Variants in RPH3A observed in about 807,000 individuals in gnomAD.
The protein encoded by RPH3A is rabphilin-3A.
A neutral mutation model predicts 102.2 loss-of-function variants in RPH3A; 48 were observed. That is an observed-to-expected ratio of 0.47 (90% CI 0.37 to 0.60). The LOEUF (loss-of-function observed/expected upper bound fraction) is 0.60, where lower values mean the gene tolerates loss of function less well. Ranked by LOEUF, RPH3A falls within the 20% of genes least tolerant of loss-of-function variation. The pLI is 0.00. For synonymous variants in RPH3A, 310 were observed against 324.3 expected, an observed-to-expected ratio of 0.96 and a Z score of 0.47; for missense variants, 781 against 910.1, an observed-to-expected ratio of 0.86 and a Z score of 1.83.
intron 6 of RPH3A, 110 bp downstream of exon 6, chr12:112,865,653 A>C (rs1399964579): frequency 1.9e-5 from 23 of 1,197,546 alleles, no homozygotes; most frequent in Non-Finnish European, 2.2e-5. Context: ...TTGGATCCTG[A>C]AGATCACTTG....
At chr12:112,760,105 T>C (rs2040845914) in intron 1 of RPH3A, among the ~76,000 whole-genome samples, 1 of 152,162 alleles carries the variant, frequency 6.6e-6, no homozygotes, top group Non-Finnish European at 1.5e-5. Flanking sequence ...TTTAATAAGA[T>C]AAAACACACA....
chr12:112,736,932 A>T (rs1408603503), intron 1 of RPH3A, among the ~76,000 whole-genome samples: 1 of 152,136 alleles, frequency 6.6e-6, no homozygotes, highest in Non-Finnish European at 1.5e-5. Context: ...AGATGGGAGG[A>T]TCACTTGAGC....
chr12:112,658,406 A>T (rs1566246013), intron 1 of RPH3A, among the ~76,000 whole-genome samples: 2 of 152,126 alleles, frequency 1.3e-5, no homozygotes. Context: ...TGAACTCCTG[A>T]CCTCAAGTGA....
intron 1 of RPH3A, among the ~76,000 whole-genome samples, chr12:112,655,940 G>T (rs2040008705): frequency 6.6e-6 from 1 of 152,056 alleles, no homozygotes; most frequent in Admixed American, 6.6e-5. Flanking sequence ...CTTTGTTCTT[G>T]TTCAAGATCA....
chr12:112,802,532 G>C (rs2041373281), intron 2 of RPH3A, among the ~76,000 whole-genome samples: 1 of 152,096 alleles, frequency 6.6e-6, no homozygotes, highest in South Asian at 2.1e-4. Context: ...TCTGCCTGCT[G>C]TGCTGTGTGT....
chr12:112,831,337 A>G (rs1471251991), intron 3 of RPH3A, among the ~76,000 whole-genome samples: 1 of 152,034 alleles, frequency 6.6e-6, no homozygotes, highest in Non-Finnish European at 1.5e-5. Context: ...GTTCATTCCT[A>G]TGATATCCAT....
chr12:112,727,452 GAC>G (rs2040600453), intron 1 of RPH3A, among the ~76,000 whole-genome samples: 11 of 51,732 alleles, frequency 2.1e-4, no homozygotes, highest in African/African-American at 3.8e-4. Flanking sequence ...TACACACACA[GAC>G]ACAGACACAC....
In RPH3A at chr12:112,798,830, C is replaced by T. The variant is rs571497128; in HGVS notation, c.-19+6567C>T. Reference sequence around the variant, plus strand: ...TTCTCCTTGCAGTCTCTCTTTTCTCCCCATCTTTCCCTCTCTCCCTTTCTC... The same window carrying T: ...TTCTCCTTGCAGTCTCTCTTTTCTCTCCATCTTTCCCTCTCTCCCTTTCTC... On this transcript the variant is annotated intron_variant, in intron 2 of 21. Coordinates refer to ENST00000389385, the MANE Select transcript of RPH3A (RefSeq NM_001143854.2). 1.3e-5 allele frequency among the ~76,000 whole-genome samples: 2 copies of T among 152,054 alleles called. 1 individual carries two copies. Among genetic ancestry groups the T allele is most frequent in the South Asian group, 4.2e-4 (2 of 4,796 alleles).
chr12:112,734,136 A>T (rs913260945), intron 1 of RPH3A, among the ~76,000 whole-genome samples: 2 of 152,218 alleles, frequency 1.3e-5, no homozygotes, highest in African/African-American at 2.4e-5. Flanking sequence ...GATGGACCTC[A>T]TATATGATGG....
chr12:112,679,355 A>G (rs1190790388), intron 1 of RPH3A, among the ~76,000 whole-genome samples: 1 of 151,992 alleles, frequency 6.6e-6, no homozygotes, highest in African/African-American at 2.4e-5. Flanking sequence ...GGGTTTCACC[A>G]TGTTAGTCAG....
chr12:112,738,088 T>C (rs1462863315), intron 1 of RPH3A, among the ~76,000 whole-genome samples: 1 of 152,234 alleles, frequency 6.6e-6, no homozygotes, highest in African/African-American at 2.4e-5. Context: ...TTGGCATTGC[T>C]AGTCTCGTAG....
intron 2 of RPH3A, among the ~76,000 whole-genome samples, chr12:112,818,495 A>C (rs2136133800): frequency 6.6e-6 from 1 of 152,134 alleles, no homozygotes; most frequent in African/African-American, 2.4e-5. Context: ...TGTTGGCAAA[A>C]GTGATCAATA....
At chr12:112,832,083 T>C (rs2041979206) in intron 3 of RPH3A, among the ~76,000 whole-genome samples, 1 of 152,194 alleles carries the variant, frequency 6.6e-6, no homozygotes, top group African/African-American at 2.4e-5. Flanking sequence ...ATTAGATAAA[T>C]ATTAGACCTC....
At chr12:112,777,694 C>T (rs1273147324) in intron 1 of RPH3A, among the ~76,000 whole-genome samples, 1 of 152,192 alleles carries the variant, frequency 6.6e-6, no homozygotes, top group Non-Finnish European at 1.5e-5. Flanking sequence ...ATTAATGATG[C>T]TAGCAGCTGA....
At chr12:112,767,732 T>C (rs1334999000) in intron 1 of RPH3A, among the ~76,000 whole-genome samples, 2 of 152,176 alleles carry the variant, frequency 1.3e-5, no homozygotes, top group African/African-American at 2.4e-5. Context: ...AGTATCATCC[T>C]CACAGGACTT....
At chr12:112,823,858 C>T (rs1712119565) in intron 2 of RPH3A, among the ~76,000 whole-genome samples, 1 of 152,174 alleles carries the variant, frequency 6.6e-6, no homozygotes, top group Admixed American at 6.5e-5. Flanking sequence ...GAAGAGTTGG[C>T]TTTCATGAAG....
At chr12:112,814,143 G>C (rs932006738) in intron 2 of RPH3A, among the ~76,000 whole-genome samples, 36 of 151,816 alleles carry the variant, frequency 2.4e-4, no homozygotes, top group Non-Finnish European at 7.4e-5. Context: ...GTGTATGTGC[G>C]TGTGTTTGCA....
chr12:112,826,945 C>T (rs1201877409), intron 2 of RPH3A, among the ~76,000 whole-genome samples: 2 of 152,004 alleles, frequency 1.3e-5, no homozygotes, highest in Non-Finnish European at 2.9e-5. Flanking sequence ...GGGTGTATAC[C>T]TGAGCATATT....
chr12:112,890,832 CT>C lies in RPH3A; in HGVS notation c.1621-13del. ...CCCTCCCCTCCAAGGCCCACACTGC[CT>C]TTTCCCCCAATGCAGCAGGTGGAGC... On this transcript the variant is annotated splice_polypyrimidine_tract_variant and intron_variant, in intron 18 of 21. Transcript: ENST00000389385. 1.2e-6 allele frequency: 2 copies of C among 1,611,840 alleles called. No individual in the cohort carries two copies. Among genetic ancestry groups the C allele is most frequent in the Non-Finnish European group, 1.7e-6 (2 of 1,178,688 alleles).
Sources: allele counts gnomAD v4.1 joint callset (sites outside exome capture counted in the v4.1 genomes callset), GRCh38; gene constraint gnomAD v4.1.1; transcripts MANE v1.5; gene names NCBI Gene and HGNC (gene_info 2026-07-23, HGNC 2026-07-21).